AGAP1: variants seen among roughly 807,000 people sequenced by gnomAD.
AGAP1 encodes ArfGAP with GTPase domain, ankyrin repeat and PH domain 1.
Under a neutral mutation model 105.3 loss-of-function variants are expected in AGAP1, and 29 were observed. That is an observed-to-expected ratio of 0.28 (90% CI 0.21 to 0.38). The LOEUF (loss-of-function observed/expected upper bound fraction) is 0.38, where lower values mean the gene tolerates loss of function less well. Ranked by LOEUF, AGAP1 falls within the 10% of genes least tolerant of loss-of-function variation. AGAP1 has a pLI of 1.00. For missense variants in AGAP1, 998 were observed against 1,165.1 expected, an observed-to-expected ratio of 0.86 and a Z score of 2.09; for synonymous variants, 509 against 485.9, an observed-to-expected ratio of 1.05 and a Z score of -0.63.
rs912268154 is a variant in AGAP1, at chr2:236,109,530, C to T, written c.2115-10662C>T. 6.6e-6 allele frequency among the ~76,000 whole-genome samples: 1 copy of T among 152,134 alleles called. No individual in the cohort carries two copies. The highest frequency in any genetic ancestry group is 2.4e-5 in the African/African-American group (1 of 41,448). Reference sequence around the variant, plus strand: ...TCCTCTGTAATGGCAGAAGTGTTCTCGATCAGCAGCCTTGGAAATGTCCTA... The same window carrying T: ...TCCTCTGTAATGGCAGAAGTGTTCTTGATCAGCAGCCTTGGAAATGTCCTA... On this transcript the variant is annotated intron_variant, in intron 16 of 17. Coordinates refer to ENST00000304032, the MANE Select transcript of AGAP1 (RefSeq NM_001037131.3). The surrounding 1 kb of genome is among the most constrained non-coding windows in gnomAD (Gnocchi z 5.4).
At chr2:235,632,778 T>C (rs1001887613) in intron 1 of AGAP1, among the ~76,000 whole-genome samples, 1 of 152,130 alleles carries the variant, frequency 6.6e-6, no homozygotes. Flanking sequence ...TAGCCGGCCA[T>C]TGCACGTTCA....
chr2:235,881,938 T>G (rs2050043773), intron 9 of AGAP1, among the ~76,000 whole-genome samples: 1 of 152,130 alleles, frequency 6.6e-6, no homozygotes, highest in Non-Finnish European at 1.5e-5. Flanking sequence ...CCAGTGGAAT[T>G]TTGGTTTTAA....
Position 235,615,938 on chromosome 2 carries a change from TATAAAACAATA to T in AGAP1, c.164-93239_164-93229del, listed in dbSNP as rs1946292829. 6.6e-6 allele frequency among the ~76,000 whole-genome samples: 1 copy of T among 152,162 alleles called. No individual in the cohort carries two copies. Among genetic ancestry groups the T allele is most frequent in the African/African-American group, 2.4e-5 (1 of 41,442 alleles). Reference sequence around the variant, plus strand: ...TTGTCTTCTATATGTAAAGAGTTCTTATAAAACAATAAGAAAAATATTTCCTAACTAAAGGA... The same window carrying T: ...TTGTCTTCTATATGTAAAGAGTTCTTAGAAAAATATTTCCTAACTAAAGGA... On this transcript the variant is annotated intron_variant, in intron 1 of 17. Coordinates refer to ENST00000304032, the MANE Select transcript of AGAP1 (RefSeq NM_001037131.3). This position sits in a 1 kb window ranked among gnomAD's most constrained non-coding sequence, Gnocchi z 5.0.
intron 11 of AGAP1, among the ~76,000 whole-genome samples, chr2:235,929,691 C>G (rs986955591): frequency 6.6e-6 from 1 of 152,024 alleles, no homozygotes; most frequent in Non-Finnish European, 1.5e-5. Context: ...GGCTTCTCAT[C>G]CATATCACCG....
At chr2:235,563,458 G>A (rs1036080494) in intron 1 of AGAP1, among the ~76,000 whole-genome samples, 1 of 152,192 alleles carries the variant, frequency 6.6e-6, no homozygotes, top group African/African-American at 2.4e-5. Flanking sequence ...AAACTAAGAT[G>A]CCTCGGCTCC....
intron 13 of AGAP1, among the ~76,000 whole-genome samples, chr2:235,978,483 T>C (rs13393799): frequency 0.041 from 6,204 of 152,234 alleles, 412 homozygotes; most frequent in African/African-American, 0.14. Flanking sequence ...CGCTACCTCA[T>C]TGCATCCTTA....
At chr2:235,996,309 T>G (rs1204785698) in intron 13 of AGAP1, among the ~76,000 whole-genome samples, 1 of 152,144 alleles carries the variant, frequency 6.6e-6, no homozygotes, top group Admixed American at 6.5e-5. Flanking sequence ...CCAGCAGAAA[T>G]TAGGCCAAAC....
rs750441085 is a variant in AGAP1 at position 235,714,711 on chromosome 2, G to A, written c.223-2846G>A. On this transcript the variant is annotated intron_variant, in intron 2 of 17. Transcript: ENST00000304032. This position sits in a 1 kb window ranked among gnomAD's most constrained non-coding sequence, Gnocchi z 4.1. ...AGCCATCACTCAGACAGCAGACCAC[G>A]GTGGCCTGTAAATCACTGAGAACCT... Among the ~76,000 whole-genome samples the A allele has an allele frequency of 3.9e-5, 6 of 152,108 alleles. No individual in the cohort carries two copies. Among genetic ancestry groups the A allele is most frequent in the Non-Finnish European group, 2.9e-5 (2 of 68,018 alleles).
chr2:235,860,049 G>T (rs1223223193), intron 9 of AGAP1, among the ~76,000 whole-genome samples: 2 of 152,176 alleles, frequency 1.3e-5, no homozygotes, highest in African/African-American at 4.8e-5. Context: ...GTAATGCTAA[G>T]TTTAGGGGCT....
intron 1 of AGAP1, among the ~76,000 whole-genome samples, chr2:235,674,074 G>A (rs1343916173): frequency 1.3e-5 from 2 of 152,192 alleles, no homozygotes; most frequent in African/African-American, 4.8e-5. Context: ...GAAAGGATTG[G>A]AGCACCTACC....
rs1038480309 is a variant in AGAP1, at chr2:236,087,263, A to T, written c.2115-32929A>T. On this transcript the variant is annotated intron_variant, in intron 16 of 17. Transcript: ENST00000304032. This position sits in a 1 kb window ranked among gnomAD's most constrained non-coding sequence, Gnocchi z 5.7. ...AGCCCATCAGGGGACAGGGCATTCC[A>T]GTGTTATTTAGGGGTCGAGGTGGGA... is the stretch of plus-strand genomic sequence containing the variant. 2.7e-5 allele frequency among the ~76,000 whole-genome samples: 4 copies of T among 150,834 alleles called. No homozygotes were observed. Among genetic ancestry groups the T allele is most frequent in the Admixed American group, 6.6e-5 (1 of 15,168 alleles).
chr2:235,674,815 A>G (rs1490297228), intron 1 of AGAP1, among the ~76,000 whole-genome samples: 1 of 148,706 alleles, frequency 6.7e-6, no homozygotes, highest in Admixed American at 6.7e-5. Context: ...CAGCCTCCCC[A>G]GTAGCTGGGA....
chr2:236,065,301 G>A (rs1029844769), intron 16 of AGAP1, among the ~76,000 whole-genome samples: 1 of 152,182 alleles, frequency 6.6e-6, no homozygotes, highest in African/African-American at 2.4e-5. Flanking sequence ...TAGGAGTGTC[G>A]GTGGTGGTGT....
At chr2:235,626,753 G>T (rs962972324) in intron 1 of AGAP1, among the ~76,000 whole-genome samples, 2 of 152,224 alleles carry the variant, frequency 1.3e-5, no homozygotes. Context: ...GAATGGGCTG[G>T]ATGGTGACTA....
chr2:235,695,388 G>A (rs962543798), intron 1 of AGAP1, among the ~76,000 whole-genome samples: 4 of 152,200 alleles, frequency 2.6e-5, no homozygotes, highest in Admixed American at 6.5e-5. Context: ...CCCTACCCCC[G>A]TCCCTCAGAG....
intron 10 of AGAP1, among the ~76,000 whole-genome samples, chr2:235,898,014 G>T (rs958365152): frequency 6.6e-6 from 1 of 152,160 alleles, no homozygotes; most frequent in African/African-American, 2.4e-5. Context: ...CAATCTAGCT[G>T]CAGCCCCCTC....
rs1395478365 is a variant in AGAP1 at position 235,700,625 on chromosome 2, C to T, written c.164-8554C>T. ...GACCAGCCTGGGGAACATGGCGAAA[C>T]CCCGTCTCTACTGAAAATACAAAAA... On this transcript the variant is annotated intron_variant, in intron 1 of 17. Coordinates refer to ENST00000304032, the MANE Select transcript of AGAP1 (RefSeq NM_001037131.3). The surrounding 1 kb of genome is among the most constrained non-coding windows in gnomAD (Gnocchi z 6.1). 1.3e-5 allele frequency among the ~76,000 whole-genome samples: 2 copies of T among 152,004 alleles called. No homozygotes were observed. The highest frequency in any genetic ancestry group is 2.9e-5 in the Non-Finnish European group (2 of 68,016).
chr2:235,658,819 A>G (rs77385677), intron 1 of AGAP1, among the ~76,000 whole-genome samples: 3,322 of 152,250 alleles, frequency 0.022, 136 homozygotes, highest in African/African-American at 0.076. Flanking sequence ...TTTTACCCCA[A>G]TCAGCCTTGA....
At chr2:235,718,474 C>G (rs1575217281) in intron 3 of AGAP1, 1 of 838,990 alleles carries the variant, frequency 1.2e-6, no homozygotes, top group Non-Finnish European at 1.4e-6. Context: ...GTAGCGTTCC[C>G]TTCCCTCCTT....
Sources: gnomAD v4.1 joint callset for allele counts (sites outside exome capture counted in the v4.1 genomes callset) on GRCh38, gnomAD v4.1.1 for gene constraint, Gnocchi (gnomAD v3.1) non-coding constraint, MANE v1.5 for transcripts, NCBI Gene and HGNC (gene_info 2026-07-23, HGNC 2026-07-21) for gene names.